SIRT5: variants seen among roughly 807,000 people sequenced by gnomAD.
SIRT5 encodes sirtuin 5.
SIRT5 carries 26 observed loss-of-function variants against 40.0 expected under a neutral mutation model. The ratio of observed to expected loss-of-function variants is 0.65; its 90% CI spans 0.48 to 0.90. SIRT5 has a LOEUF of 0.90. SIRT5 is among the 40% of genes least tolerant of loss of function. The pLI, the probability that SIRT5 is intolerant of heterozygous loss-of-function variation, is 0.00. For missense variants in SIRT5, 401 were observed against 402.4 expected (o/e 1.00, Z 0.03); for synonymous variants, 146 against 149.1 (o/e 0.98, Z 0.15).
At chr6:13,593,267 T>G (rs1237408178) in intron 5 of SIRT5, among the ~76,000 whole-genome samples, 4 of 152,206 alleles carry the variant, frequency 2.6e-5, no homozygotes, top group Admixed American at 2.6e-4. Flanking sequence ...CGGGGGTGTT[T>G]GTTTTTGCGT....
chr6:13,588,446 G>A lies in SIRT5; in HGVS notation c.231G>A (p.Trp77Ter). Residue 77 changes from tryptophan to a stop codon, truncating the protein, a stop_gained, in exon 4 of 10, where the codon TGG becomes TGA. Coordinates refer to ENST00000606117, the MANE Select transcript of SIRT5 (RefSeq NM_012241.5). LOFTEE classifies it high-confidence loss of function. ...VPTFRGAGGY[W>*]RKWQAQDLAT... is the part of the protein sequence containing the mutation. ...CCTTCAGAGGAGCTGGAGGTTATTG[G>A]AGAAAATGGCAAGCCCAGGTTTGTA... 1 of 1,614,106 alleles carries A rather than the reference G, an allele frequency of 6.2e-7. No individual in the cohort carries two copies. Among genetic ancestry groups the A allele is most frequent in the South Asian group, 1.1e-5 (1 of 91,068 alleles).
chr6:13,610,362 C>A (rs1562283527), intron 9 of SIRT5, among the ~76,000 whole-genome samples: 1 of 152,170 alleles, frequency 6.6e-6, no homozygotes, highest in East Asian at 1.9e-4. Context: ...TTGTATCATA[C>A]TTAGCGATCT....
chr6:13,584,473 C>T (rs947733582), intron 3 of SIRT5, among the ~76,000 whole-genome samples: 3 of 152,156 alleles, frequency 2.0e-5, no homozygotes, highest in Non-Finnish European at 4.4e-5. Flanking sequence ...GCCTCAGCCT[C>T]CCGAGGAGCT....
At chr6:13,609,127 A>G (rs1367860809) in intron 9 of SIRT5, among the ~76,000 whole-genome samples, 2 of 152,206 alleles carry the variant, frequency 1.3e-5, no homozygotes, top group South Asian at 2.1e-4. Context: ...TGGCCTGGAA[A>G]TATATCCTTA....
At chr6:13,577,386 G>T (rs1051058881) in intron 1 of SIRT5, among the ~76,000 whole-genome samples, 1 of 151,750 alleles carries the variant, frequency 6.6e-6, no homozygotes, top group Non-Finnish European at 1.5e-5. Context: ...TACCTGAAGT[G>T]GTTTTTTCTT....
intron 2 of SIRT5, among the ~76,000 whole-genome samples, 191 bp downstream of exon 2, chr6:13,579,800 A>G (rs918242187): frequency 3.3e-5 from 5 of 152,386 alleles, no homozygotes; most frequent in Admixed American, 2.6e-4. Context: ...TGATAAGAAT[A>G]TAAGGGTTCC....
Position 13,591,856 on chromosome 6 carries a change from AC to A in SIRT5, c.439del (p.Arg147AlafsTer100). 2.5e-6 allele frequency: 4 copies of A among 1,614,048 alleles called. No homozygotes were observed. Among genetic ancestry groups the A allele is most frequent in the Non-Finnish European group, 3.4e-6 (4 of 1,179,900 alleles). On this transcript the variant is annotated frameshift_variant, in exon 5 of 10. Transcript: ENST00000606117. LOFTEE classifies it high-confidence loss of function. ...ATCACCCAGAACATCGATGAGCTGCACCGCAAGGCTGGCACCAAGAACCTTC... is the reference window on the plus strand; with the variant it reads ...ATCACCCAGAACATCGATGAGCTGCACGCAAGGCTGGCACCAAGAACCTTC... Reference protein sequence around the residue: ...VVITQNIDELHRKAGTKNLLE... With the variant: ...VVITQNIDELXRKAGTKNLLE...
At chr6:13,583,289 CTTTT>C (rs765557886) in intron 2 of SIRT5, among the ~76,000 whole-genome samples, 1 of 100,536 alleles carries the variant, frequency 9.9e-6, no homozygotes, top group Non-Finnish European at 2.0e-5. Flanking sequence ...CTTCTTTGTT[CTTTT>C]TTTTTTTTTT....
At position 13,613,118 on chromosome 6, in the gene SIRT5, T is replaced by C. The variant is rs1764081910; in HGVS notation, c.*1253T>C. Reference sequence around the variant, plus strand: ...CCAGTGGCCGCGGGCTGGACAGAACTGCAACCACTTATAAAAAGCATGCAG... The same window carrying C: ...CCAGTGGCCGCGGGCTGGACAGAACCGCAACCACTTATAAAAAGCATGCAG... On this transcript the variant is annotated 3_prime_UTR_variant, in exon 10 of 10. Transcript: ENST00000606117. 1 of 152,256 alleles carries C rather than the reference T, an allele frequency of 6.6e-6. No homozygotes were observed. The highest frequency in any genetic ancestry group is 6.5e-5 in the Admixed American group (1 of 15,284). The allele number at this position is 152,256 out of a possible 1,614,324, so 9.4% of individuals were successfully genotyped here. A position where few individuals can be genotyped will look rare whatever the true frequency, so the allele number is the denominator to read the frequency against.
chr6:13,590,218 G>GT (rs1184880422), intron 4 of SIRT5, among the ~76,000 whole-genome samples: 1 of 152,052 alleles, frequency 6.6e-6, no homozygotes, highest in Non-Finnish European at 1.5e-5. Flanking sequence ...ATGCAACTGC[G>GT]TAACACCCCC....
At position 13,613,845 on chromosome 6, in the gene SIRT5, C is replaced by T. The variant is rs1764135761; in HGVS notation, c.*1980C>T. The T allele has an allele frequency of 6.6e-6, 1 of 152,170 alleles. No individual in the cohort carries two copies. The highest frequency in any genetic ancestry group is 2.4e-5 in the African/African-American group (1 of 41,444). The allele number at this position is 152,170 out of a possible 1,614,324, so 9.4% of individuals were successfully genotyped here. ...TGGGCTGCTCCAAGTTAACTTTATT[C>T]ATTTTCCTAGTGTTAGTGTCTCAGG... On this transcript the variant is annotated 3_prime_UTR_variant, in exon 10 of 10. Coordinates refer to ENST00000606117, the MANE Select transcript of SIRT5 (RefSeq NM_012241.5).
chr6:13,578,616 CA>C (rs60663066), intron 1 of SIRT5, among the ~76,000 whole-genome samples: 2,012 of 36,810 alleles, frequency 0.055, 22 homozygotes, highest in African/African-American at 0.16. Flanking sequence ...GACTCCATCT[CA>C]AAAAAAAAAA....
rs948950705 is a variant in SIRT5, at chr6:13,605,173, G to A, written c.857+4224G>A. 7 of 985,346 alleles carry A rather than the reference G, an allele frequency of 7.1e-6. No individual in the cohort carries two copies. The Admixed American group carries it at 4.3e-4, about 61-fold the overall frequency. The allele number at this position is 985,346 out of a possible 1,614,324, so 61.0% of individuals were successfully genotyped here. A position where few individuals can be genotyped will look rare whatever the true frequency, so the allele number is the denominator to read the frequency against. On this transcript the variant is annotated intron_variant, in intron 9 of 9. Coordinates refer to ENST00000606117, the MANE Select transcript of SIRT5 (RefSeq NM_012241.5). Reference sequence around the variant, plus strand: ...TTGGTTGAACTTTACCCTAGGTCAGGGGTCAGCAAACTACTGCCTGTGGGC... The same window carrying A: ...TTGGTTGAACTTTACCCTAGGTCAGAGGTCAGCAAACTACTGCCTGTGGGC...
At chr6:13,591,121 TA>T (rs1179939729) in intron 4 of SIRT5, among the ~76,000 whole-genome samples, 1 of 151,920 alleles carries the variant, frequency 6.6e-6, no homozygotes, top group Non-Finnish European at 1.5e-5. Flanking sequence ...AGTGTGTATG[TA>T]TATTGAGTTG....
chr6:13,592,438 C>G (rs143333120), intron 5 of SIRT5, among the ~76,000 whole-genome samples: 9 of 152,334 alleles, frequency 5.9e-5, no homozygotes, highest in Non-Finnish European at 1.2e-4. Context: ...GGTCTCCTGT[C>G]ACTCCCCCTT....
intron 3 of SIRT5, among the ~76,000 whole-genome samples, chr6:13,587,587 C>G (rs1375095141): frequency 1.3e-5 from 2 of 152,202 alleles, no homozygotes; most frequent in African/African-American, 2.4e-5. Context: ...GCTGCTGTCC[C>G]TGTGGGTCTG....
intron 3 of SIRT5, among the ~76,000 whole-genome samples, chr6:13,587,255 TCTC>T (rs1348075289): frequency 6.6e-6 from 1 of 152,122 alleles, no homozygotes; most frequent in Non-Finnish European, 1.5e-5. Flanking sequence ...GGCTCTCTGT[TCTC>T]CTCCTGGCAG....
chr6:13,599,646 T>A (rs1252146693), intron 8 of SIRT5, among the ~76,000 whole-genome samples: 1 of 152,194 alleles, frequency 6.6e-6, no homozygotes, highest in African/African-American at 2.4e-5. Flanking sequence ...TGCTACCTGT[T>A]TTTGGAAATA....
chr6:13,611,230 TATATATACACACACACATAC>T (rs1763850269), intron 9 of SIRT5, among the ~76,000 whole-genome samples: 2 of 131,804 alleles, frequency 1.5e-5, no homozygotes, highest in African/African-American at 3.1e-5. Context: ...TATATATATA[TATATATACACACACACATAC>T]ACACACACAT....
Sources: allele counts gnomAD v4.1 joint callset (sites outside exome capture counted in the v4.1 genomes callset), GRCh38; gene constraint gnomAD v4.1.1; transcripts MANE v1.5; gene names NCBI Gene and HGNC (gene_info 2026-07-23, HGNC 2026-07-21).